Variants in RXFP1 observed in about 807,000 individuals in gnomAD.
RXFP1 encodes the protein relaxin receptor 1.
RXFP1 carries 73 observed loss-of-function variants against 89.8 expected under a neutral mutation model. The ratio of observed to expected loss-of-function variants is 0.81; its 90% confidence interval spans 0.67 to 0.99. The LOEUF (loss-of-function observed/expected upper bound fraction) is 0.99. Among genes scored for constraint, RXFP1 ranks in the 50% least tolerant of loss-of-function variants. The pLI is 0.00. For missense variants in RXFP1, 793 were observed against 895.5 expected, an observed-to-expected ratio of 0.89 and a Z score of 1.46; for synonymous variants, 277 against 305.5, an observed-to-expected ratio of 0.91 and a Z score of 0.97.
chr4:158,545,413 G>C (rs887937245), intron 1 of RXFP1, among the ~76,000 whole-genome samples: 7 of 152,272 alleles, frequency 4.6e-5, no homozygotes, highest in South Asian at 2.1e-4. Context: ...TGTTCACTCT[G>C]ATGGTAGTTT....
In RXFP1 at chr4:158,646,811, A is replaced by G. The variant is rs769406155; in HGVS notation, c.1366A>G (p.Ile456Val). Residue 456 changes from isoleucine to valine, a missense_variant, in exon 16 of 18, where the codon ATA becomes GTA. Transcript: ENST00000307765. The stretch of plus-strand genomic sequence containing the variant: ...TCTAGGTGCCGACTGCTTAATGGGA[A>G]TATATTTATTCGTGATCGGAGGCTT... ...SLCCADCLMG[I>V]YLFVIGGFDL... is the part of the protein sequence containing the mutation. The G allele has an allele frequency of 1.3e-5, 21 of 1,612,030 alleles. No homozygotes were observed. In the Admixed American group the frequency reaches 2.3e-4, roughly 18 times the overall value.
At chr4:158,561,045 G>T (rs375867745) in intron 1 of RXFP1, among the ~76,000 whole-genome samples, 38 of 152,266 alleles carry the variant, frequency 2.5e-4, no homozygotes, top group African/African-American at 9.1e-4. Flanking sequence ...TTCAAAAACC[G>T]TGTTTGCCTT....
chr4:158,648,681 G>T lies in RXFP1; in HGVS notation c.1939G>T (p.Val647Leu). 2 of 1,608,760 alleles carry T rather than the reference G, an allele frequency of 1.2e-6. No individual in the cohort carries two copies. Among genetic ancestry groups the T allele is most frequent in the South Asian group, 1.1e-5 (1 of 90,034 alleles). ...ATTATGCTGGATACCCATTTTTGTA[G>T]TGAAATTTCTTTCACTGCTTCAGGT... ...DALCWIPIFV[V>L]KFLSLLQVEI... The change falls in exon 17 of 18, where the codon GTG (valine) becomes TTG (leucine). Residue 647 changes from valine (V) to leucine (L), a missense_variant. Transcript: ENST00000307765.
intron 1 of RXFP1, among the ~76,000 whole-genome samples, chr4:158,540,265 C>T (rs546947822): frequency 1.3e-3 from 191 of 152,202 alleles, no homozygotes; most frequent in Admixed American, 3.3e-3. Context: ...TGATTCTATG[C>T]TAGACAAAGG....
chr4:158,592,893 G>A (rs1321424643), intron 2 of RXFP1, among the ~76,000 whole-genome samples: 1 of 151,306 alleles, frequency 6.6e-6, no homozygotes, highest in Non-Finnish European at 1.5e-5. Flanking sequence ...TTAGAGACCA[G>A]CCTGGCCAAC....
chr4:158,562,725 A>T (rs1163844396), intron 1 of RXFP1, among the ~76,000 whole-genome samples: 8 of 151,970 alleles, frequency 5.3e-5, no homozygotes, highest in Admixed American at 5.2e-4. Flanking sequence ...CCCCGAGTGC[A>T]CACCCATCCG....
intron 2 of RXFP1, among the ~76,000 whole-genome samples, chr4:158,577,449 T>G (rs1756490265): frequency 6.6e-6 from 1 of 152,190 alleles, no homozygotes; most frequent in Non-Finnish European, 1.5e-5. Context: ...TTTTCCGTCA[T>G]GTAAAATACA....
At chr4:158,641,428 A>T (rs1770357197) in intron 14 of RXFP1, among the ~76,000 whole-genome samples, 1 of 152,200 alleles carries the variant, frequency 6.6e-6, no homozygotes, top group South Asian at 2.1e-4. Context: ...TCAGAACACT[A>T]TTATCAGAAG....
intron 1 of RXFP1, among the ~76,000 whole-genome samples, chr4:158,542,109 A>ATTTTTTTTTTTT (rs56032847): frequency 1.1e-4 from 4 of 35,250 alleles, no homozygotes; most frequent in African/African-American, 3.7e-4. Flanking sequence ...ATATATATAT[A>ATTTTTTTTTTTT]TTTTTTTTTT....
At chr4:158,605,046 T>G (rs1561109466) in intron 4 of RXFP1, 22 bp from the exon 5 acceptor site, 10 of 1,428,450 alleles carry the variant, frequency 7.0e-6, no homozygotes, top group Non-Finnish European at 7.8e-6. Flanking sequence ...ACTTTAAGAA[T>G]CAAAATTTAC....
intron 2 of RXFP1, 183 bp downstream of exon 2, chr4:158,573,018 G>GT (rs149207993): frequency 0.71 from 509,408 of 722,410 alleles, 176,092 homozygotes; most frequent in East Asian, 0.84. Flanking sequence ...TCTTGTTTTT[G>GT]TTTTTTTTTG....
At chr4:158,522,926 C>T (rs1442431413) in intron 1 of RXFP1, among the ~76,000 whole-genome samples, 6 of 152,130 alleles carry the variant, frequency 3.9e-5, no homozygotes, top group Non-Finnish European at 7.4e-5. Flanking sequence ...TAAGGAATGT[C>T]TCAGGGTAAC....
chr4:158,640,138 G>C (rs763817498), intron 14 of RXFP1, among the ~76,000 whole-genome samples: 1 of 152,136 alleles, frequency 6.6e-6, no homozygotes, highest in Non-Finnish European at 1.5e-5. Context: ...TTTGATATTG[G>C]GTGAGATGAT....
At position 158,612,301 on chromosome 4, in the gene RXFP1, G is replaced by A. The variant is rs770837154; in HGVS notation, c.619G>A (p.Asp207Asn). The change falls in exon 8 of 18, where the codon GAT (aspartate) becomes AAT (asparagine). Residue 207 changes from aspartate (D) to asparagine (N), a missense_variant. Coordinates refer to ENST00000307765, the MANE Select transcript of RXFP1 (RefSeq NM_021634.4). ...LHRLEWLIIE[D>N]NHLSRISPPT... Reference sequence around the variant, plus strand: ...TCTTCTGGCTGTCAGGATAATTGAAGATAATCACCTCAGTCGAATTTCCCC... The same window carrying A: ...TCTTCTGGCTGTCAGGATAATTGAAAATAATCACCTCAGTCGAATTTCCCC... 1 of 1,612,142 alleles carries A rather than the reference G, an allele frequency of 6.2e-7. No homozygotes were observed. Among genetic ancestry groups the A allele is most frequent in the East Asian group, 2.2e-5 (1 of 44,762 alleles).
intron 1 of RXFP1, among the ~76,000 whole-genome samples, chr4:158,557,602 G>A (rs182091710): frequency 6.6e-6 from 1 of 152,346 alleles, no homozygotes; most frequent in East Asian, 1.9e-4. Context: ...TGGGCTCCAA[G>A]GAATCCTCCA....
chr4:158,641,696 A>G (rs1770410036), intron 14 of RXFP1, among the ~76,000 whole-genome samples: 1 of 152,224 alleles, frequency 6.6e-6, no homozygotes, highest in Admixed American at 6.5e-5. Flanking sequence ...AGCTCTTTAT[A>G]CACTAAAGAT....
chr4:158,601,769 T>C (rs1342154298), intron 4 of RXFP1, among the ~76,000 whole-genome samples: 1 of 152,220 alleles, frequency 6.6e-6, no homozygotes. Flanking sequence ...AAGAAGCTAA[T>C]ACTCCAAGTA....
Position 158,638,059 on chromosome 4 carries a change from T to A in RXFP1, c.1023T>A (p.Tyr341Ter). Residue 341 changes from tyrosine to a stop codon, truncating the protein, a stop_gained, in exon 13 of 18, where the codon TAT becomes TAA. Coordinates refer to ENST00000307765, the MANE Select transcript of RXFP1 (RefSeq NM_021634.4). LOFTEE classifies it high-confidence loss of function. ...IQKIQANQFD[Y>*]LVKLKSLSLE... ...AAATTCAAGCAAACCAATTTGATTA[T>A]CTTGTCAAACTCAAGTCTCTGTAAG... The A allele has an allele frequency of 6.2e-7, 1 of 1,602,340 alleles. No homozygotes were observed.
At chr4:158,562,523 C>CCAAAAA (rs1752690686) in intron 1 of RXFP1, among the ~76,000 whole-genome samples, 1 of 25,330 alleles carries the variant, frequency 3.9e-5, no homozygotes, top group East Asian at 1.4e-3. Flanking sequence ...GACTCCGTCT[C>CCAAAAA]AAAAAAAAAA....
Sources: allele counts gnomAD v4.1 joint callset (sites outside exome capture counted in the v4.1 genomes callset), GRCh38; gene constraint gnomAD v4.1.1; transcripts MANE v1.5; gene names NCBI Gene and HGNC (gene_info 2026-07-23, HGNC 2026-07-21).